Variants in CLTA observed in about 807,000 individuals in gnomAD.
CLTA encodes the protein clathrin, light polypeptide (Lca).
In CLTA, 9 loss-of-function variants were observed where a neutral mutation model predicts 26.9. The observed-to-expected ratio is 0.33, with a 90% CI of 0.20 to 0.58. The LOEUF is 0.58. Ranked by LOEUF, CLTA falls within the 20% of genes least tolerant of loss-of-function variation. CLTA has a pLI of 0.85. For synonymous variants in CLTA, 120 were observed against 115.5 expected, an observed-to-expected ratio of 1.04 and a Z score of -0.25; for missense variants, 278 against 294.2, an observed-to-expected ratio of 0.94 and a Z score of 0.40.
At chr9:36,198,938 A>AT (rs1563910531) in intron 2 of CLTA, 41 bp from the exon 3 acceptor site, 2 of 1,400,714 alleles carry the variant, frequency 1.4e-6, no homozygotes, top group South Asian at 2.3e-5. Context: ...TTAGGAAGGA[A>AT]TTTTTGGTAT....
At chr9:36,192,555 T>C (rs1036184498) in intron 1 of CLTA, among the ~76,000 whole-genome samples, 4 of 152,204 alleles carry the variant, frequency 2.6e-5, no homozygotes, top group African/African-American at 9.6e-5. Context: ...TAGGTTGGAC[T>C]AAACTAGGCT....
chr9:36,196,357 T>A (rs201972398), intron 1 of CLTA, among the ~76,000 whole-genome samples: 1,766 of 132,448 alleles, frequency 0.013, 18 homozygotes, highest in Non-Finnish European at 0.02. Flanking sequence ...TTTTTTTTTT[T>A]ATTTTTTGAG....
chr9:36,210,756 C>A, intron 4 of CLTA: 1 of 1,442,366 alleles, frequency 6.9e-7, no homozygotes, highest in Non-Finnish European at 9.7e-7. Context: ...CCACGGCCAT[C>A]CCTGTGATAG....
intron 3 of CLTA, among the ~76,000 whole-genome samples, chr9:36,200,894 C>T (rs1280656095): frequency 6.6e-6 from 1 of 152,162 alleles, no homozygotes; most frequent in African/African-American, 2.4e-5. Context: ...GAAAATAGGT[C>T]CTAACAGCTT....
At chr9:36,211,456 C>G in intron 4 of CLTA, 147 bp from the exon 5 acceptor site, 1 of 1,053,214 alleles carries the variant, frequency 9.5e-7, no homozygotes, top group Non-Finnish European at 1.4e-6. Context: ...CTACCTGAGT[C>G]TGACCTGGGC....
rs1587211073 is a variant in CLTA at position 36,197,189 on chromosome 9, G to T, written c.218-362G>T. On this transcript the variant is annotated intron_variant, in intron 1 of 4. Coordinates refer to ENST00000345519, the MANE Select transcript of CLTA (RefSeq NM_001833.4). ...GACTGTCTCAAAGATGAAGCTGCAG[G>T]TCTCTGCTCACTATGGGTGATTCCA... is the stretch of plus-strand genomic sequence containing the variant. 3.9e-5 allele frequency among the ~76,000 whole-genome samples: 6 copies of T among 152,052 alleles called. No homozygotes were observed. In the South Asian group the frequency reaches 1.2e-3, roughly 31 times the overall value.
intron 1 of CLTA, among the ~76,000 whole-genome samples, chr9:36,194,589 A>G (rs1053216074): frequency 6.6e-6 from 1 of 152,238 alleles, no homozygotes. Context: ...TAGCAAGGTA[A>G]TAAATGGCTC....
chr9:36,204,575 G>A lies in CLTA; in HGVS notation c.485+396G>A, dbSNP rs1587236202. ...CTCAATATAGCCCTGCCCCCTGAAA[G>A]CCACTTCATGAAGGGGTCCGTTGGC... On this transcript the variant is annotated intron_variant, in intron 4 of 4. Transcript: ENST00000345519. Among the ~76,000 whole-genome samples the A allele has an allele frequency of 3.9e-5, 6 of 152,116 alleles. No homozygotes were observed. In the South Asian group the frequency reaches 1.2e-3, roughly 32 times the overall value.
intron 2 of CLTA, 121 bp from the exon 3 acceptor site, chr9:36,198,858 A>C (rs1408708746): frequency 1.7e-6 from 1 of 593,152 alleles, no homozygotes; most frequent in African/African-American, 2.0e-5. Flanking sequence ...TGGCGACAAG[A>C]GTGAAAACTC....
intron 4 of CLTA, among the ~76,000 whole-genome samples, chr9:36,206,023 G>A (rs914972882): frequency 6.6e-6 from 1 of 152,080 alleles, no homozygotes; most frequent in Admixed American, 6.5e-5. Flanking sequence ...GCCTCCCAAA[G>A]TGCTGGGATT....
At position 36,204,051 on chromosome 9, in the gene CLTA, C is replaced by T. The variant is rs772960276; in HGVS notation, c.374-17C>T. 3 of 1,613,766 alleles carry T rather than the reference C, an allele frequency of 1.9e-6. No individual in the cohort carries two copies. The highest frequency in any genetic ancestry group is 1.1e-5 in the South Asian group (1 of 90,994). ...TTTGCCTCAATTGTATTGTCTTTCT[C>T]TTCTCTCCCTTCAAAGATGCCAATT... On this transcript the variant is annotated splice_polypyrimidine_tract_variant and intron_variant, in intron 3 of 4. Transcript: ENST00000345519.
chr9:36,191,306 C>A (rs1281439151), intron 1 of CLTA, 33 bp downstream of exon 1: 1 of 1,480,528 alleles, frequency 6.8e-7, no homozygotes, highest in Non-Finnish European at 8.9e-7. Flanking sequence ...GGCGAGAGGA[C>A]TTGTCTGGAA....
chr9:36,210,043 C>A (rs893283469), intron 4 of CLTA, among the ~76,000 whole-genome samples: 5 of 152,168 alleles, frequency 3.3e-5, no homozygotes, highest in African/African-American at 7.2e-5. Context: ...CTGACCCCCC[C>A]AAAAGAAACC....
chr9:36,201,695 G>A (rs1393696562), intron 3 of CLTA, among the ~76,000 whole-genome samples: 3 of 152,156 alleles, frequency 2.0e-5, no homozygotes, highest in Non-Finnish European at 4.4e-5. Context: ...TTGAAAAGGG[G>A]GCCTTACATT....
chr9:36,192,953 C>A (rs1197359902), intron 1 of CLTA, among the ~76,000 whole-genome samples: 3 of 152,160 alleles, frequency 2.0e-5, no homozygotes, highest in Non-Finnish European at 4.4e-5. Context: ...TCTCCACTGC[C>A]TAGCAGTGTG....
At chr9:36,194,118 T>A (rs1346260147) in intron 1 of CLTA, among the ~76,000 whole-genome samples, 1 of 152,080 alleles carries the variant, frequency 6.6e-6, no homozygotes, top group Non-Finnish European at 1.5e-5. Context: ...CTCCGCCTCC[T>A]GGGTTCAAGC....
In CLTA at chr9:36,197,518, C is replaced by A. The variant is rs757024819; in HGVS notation, c.218-33C>A. On this transcript the variant is annotated intron_variant, in intron 1 of 4. Coordinates refer to ENST00000345519, the MANE Select transcript of CLTA (RefSeq NM_001833.4). ...CCTTTGGCCCAGTGTTTGACCAGTC[C>A]TTATTGATAGACCAAAATCTTATGT... 1.4e-5 allele frequency: 22 copies of A among 1,578,286 alleles called. No individual in the cohort carries two copies. In the East Asian group the frequency reaches 4.9e-4, roughly 35 times the overall value.
intron 3 of CLTA, 170 bp from the exon 4 acceptor site, chr9:36,203,898 G>A (rs1827568482): frequency 2.3e-6 from 1 of 433,594 alleles, no homozygotes; most frequent in Non-Finnish European, 3.1e-6. Flanking sequence ...AGTTGGTTGT[G>A]CAAACAGAGA....
chr9:36,204,951 C>T (rs750319124), intron 4 of CLTA, among the ~76,000 whole-genome samples: 1 of 152,126 alleles, frequency 6.6e-6, no homozygotes, highest in African/African-American at 2.4e-5. Flanking sequence ...AGTGTATAAA[C>T]GGGCCAGACC....
Sources: allele counts gnomAD v4.1 joint callset (sites outside exome capture counted in the v4.1 genomes callset), GRCh38; gene constraint gnomAD v4.1.1; transcripts MANE v1.5; gene names NCBI Gene and HGNC (gene_info 2026-07-23, HGNC 2026-07-21).